The following TXNDC8 variants were observed in gnomAD, a reference collection of about 807,000 sequenced individuals.
TXNDC8 encodes the protein thioredoxin domain-containing protein 8.
TXNDC8 carries 15 observed loss-of-function variants against 12.9 expected under a neutral mutation model. The ratio of observed to expected loss-of-function variants is 1.16; its 90% CI spans 0.78 to 1.79. The LOEUF (loss-of-function observed/expected upper bound fraction) is 1.79, where lower values mean the gene tolerates loss of function less well. Among genes scored for constraint, TXNDC8 ranks in the 40% most tolerant of loss-of-function variants. The pLI, the probability that TXNDC8 is intolerant of heterozygous loss-of-function variation, is 0.00. For synonymous variants in TXNDC8, 40 were observed against 35.4 expected (o/e 1.13, Z -0.46); for missense variants, 128 against 113.2 (o/e 1.13, Z -0.59).
chr9:110,325,468 GC>G (rs1350290510), intron 3 of TXNDC8, among the ~76,000 whole-genome samples: 18 of 151,322 alleles, frequency 1.2e-4, no homozygotes, highest in Non-Finnish European at 2.6e-4. Flanking sequence ...CTTTGTGATA[GC>G]TTTTGGTTAG....
chr9:110,330,411 CA>C (rs1839502898), intron 2 of TXNDC8, among the ~76,000 whole-genome samples: 1 of 152,210 alleles, frequency 6.6e-6, no homozygotes, highest in Non-Finnish European at 1.5e-5. Context: ...GGACTCTCCA[CA>C]GCAGTTTGTT....
At chr9:110,312,275 C>T (rs538585421) in intron 3 of TXNDC8, among the ~76,000 whole-genome samples, 137 of 152,302 alleles carry the variant, frequency 9.0e-4, no homozygotes, top group African/African-American at 3.3e-3. Context: ...TATGGCAATA[C>T]AGTTATGGCA....
chr9:110,337,736 C>T, intron 1 of TXNDC8, 37 bp downstream of exon 1: 1 of 1,604,632 alleles, frequency 6.2e-7, no homozygotes, highest in Non-Finnish European at 8.5e-7. Context: ...AAGATGTCCA[C>T]ATTTGAAATA....
Position 110,303,686 on chromosome 9 carries a change from T to C in TXNDC8, c.284A>G (p.Glu95Gly). ...TCCTGATTGAAAAGTTAAATCCTAC[T>C]CATTTCCATCATCTGCAAGACACTT... Residue 95 changes from glutamate to glycine, a missense_variant, in exon 5 of 5, where the codon GAG (glutamate) becomes GGG (glycine). Transcript: ENST00000423740. The C allele has an allele frequency of 1.9e-6, 3 of 1,598,718 alleles. No homozygotes were observed. Among genetic ancestry groups the C allele is most frequent in the Non-Finnish European group, 2.6e-6 (3 of 1,170,574 alleles).
At chr9:110,329,127 A>G in intron 2 of TXNDC8, 105 bp downstream of exon 3, 2 of 943,460 alleles carry the variant, frequency 2.1e-6, no homozygotes, top group Non-Finnish European at 3.3e-6. Context: ...GTAAAATTCT[A>G]GTTGATTTTA....
chr9:110,307,171 C>T (rs974071593), intron 3 of TXNDC8, among the ~76,000 whole-genome samples: 3 of 150,688 alleles, frequency 2.0e-5, no homozygotes, highest in African/African-American at 7.3e-5. Flanking sequence ...CTAGGCTGGT[C>T]TCAAACTCCT....
At chr9:110,310,146 C>T (rs977296253) in intron 3 of TXNDC8, among the ~76,000 whole-genome samples, 6 of 151,834 alleles carry the variant, frequency 4.0e-5, no homozygotes, top group African/African-American at 1.5e-4. Context: ...AAAAAAGAGT[C>T]CTAGGATCCA....
chr9:110,306,102 A>G (rs1290900321), intron 3 of TXNDC8, among the ~76,000 whole-genome samples: 7 of 152,092 alleles, frequency 4.6e-5, no homozygotes, highest in Non-Finnish European at 2.9e-5. Flanking sequence ...TCTGACCTCC[A>G]GTGATCTGCT....
chr9:110,323,857 T>A (rs753533196), intron 3 of TXNDC8: 2 of 1,549,052 alleles, frequency 1.3e-6, no homozygotes, highest in Non-Finnish European at 1.7e-6. Context: ...TCCAGTGATA[T>A]CAAAGGAGAA....
intron 3 of TXNDC8, among the ~76,000 whole-genome samples, chr9:110,305,040 T>C (rs867729227): frequency 8.2e-5 from 12 of 146,134 alleles, no homozygotes; most frequent in African/African-American, 3.1e-4. Flanking sequence ...TCCAGCTACA[T>C]GGGAGGCGGA....
intron 2 of TXNDC8, among the ~76,000 whole-genome samples, chr9:110,330,845 C>T (rs1839516795): frequency 6.6e-6 from 1 of 152,142 alleles, no homozygotes; most frequent in African/African-American, 2.4e-5. Flanking sequence ...TTTGTTGACC[C>T]CTGCTCTTGC....
At chr9:110,320,529 C>T (rs1300924513) in intron 3 of TXNDC8, among the ~76,000 whole-genome samples, 1 of 152,172 alleles carries the variant, frequency 6.6e-6, no homozygotes, top group Non-Finnish European at 1.5e-5. Context: ...TTATTAGCAG[C>T]ATGAGAACGG....
rs1208607787 is a variant in TXNDC8, at chr9:110,304,469, G to T, written c.259C>A (p.Leu87Met). 3 of 1,608,346 alleles carry T rather than the reference G, an allele frequency of 1.9e-6. No individual in the cohort carries two copies. The highest frequency in any genetic ancestry group is 1.3e-5 in the African/African-American group (1 of 74,756). The stretch of plus-strand genomic sequence containing the variant: ...TAACTTGATCCCATTTCACTTACCA[G>T]GTTGCTCATGAATCCACTTCTATAA... Residue 87 changes from leucine to methionine, a missense_variant and splice_region_variant, in exon 4 of 5, where the codon CTG becomes ATG. By Grantham distance (15) the Leu-to-Met change is conservative (BLOSUM62 2). Coordinates refer to ENST00000423740, the MANE Select transcript of TXNDC8 (RefSeq NM_001286946.2).
intron 1 of TXNDC8, among the ~76,000 whole-genome samples, chr9:110,335,334 T>G (rs1031028552): frequency 6.6e-6 from 1 of 152,172 alleles, no homozygotes; most frequent in East Asian, 1.9e-4. Context: ...CCTCCCGGAC[T>G]CAAGCCATCC....
intron 3 of TXNDC8, among the ~76,000 whole-genome samples, chr9:110,312,848 A>C (rs865812355): frequency 1.4e-4 from 21 of 152,154 alleles, no homozygotes; most frequent in Non-Finnish European, 2.5e-4. Context: ...TTCCATTTAT[A>C]TTATTTTCTG....
intron 3 of TXNDC8, among the ~76,000 whole-genome samples, chr9:110,310,384 G>A (rs1010644040): frequency 3.3e-5 from 5 of 152,080 alleles, no homozygotes; most frequent in Non-Finnish European, 7.4e-5. Flanking sequence ...AATTTAATAT[G>A]CAAATTTAAG....
intron 3 of TXNDC8, among the ~76,000 whole-genome samples, chr9:110,317,105 GCGTGTGCATCTAATGT>G (rs1329052599): frequency 6.6e-6 from 1 of 152,212 alleles, no homozygotes; most frequent in Non-Finnish European, 1.5e-5. Context: ...AAGGGCAAAA[GCGTGTGCATCTAATGT>G]CGTGGGAATT....
chr9:110,332,773 T>G (rs1350673463), intron 2 of TXNDC8, among the ~76,000 whole-genome samples: 1 of 152,158 alleles, frequency 6.6e-6, no homozygotes, highest in Non-Finnish European at 1.5e-5. Flanking sequence ...GTATAGATAT[T>G]AAAAGATTCA....
intron 3 of TXNDC8, chr9:110,323,413 C>G (rs969457536): frequency 2.3e-6 from 2 of 868,916 alleles, no homozygotes; most frequent in Non-Finnish European, 2.8e-6. Context: ...TTCTGTGTAG[C>G]TAAGGAATCA....
Sources: allele counts gnomAD v4.1 joint callset (sites outside exome capture counted in the v4.1 genomes callset), GRCh38; gene constraint gnomAD v4.1.1; transcripts MANE v1.5; gene names NCBI Gene and HGNC (gene_info 2026-07-23, HGNC 2026-07-21).